ELFN1: variants seen among roughly 807,000 people sequenced by gnomAD.
The protein encoded by ELFN1 is extracellular leucine rich repeat and fibronectin type III domain containing 1, also known as protein ELFN1.
In ELFN1, 6 loss-of-function variants were observed where a neutral mutation model predicts 7.6. The observed-to-expected ratio is 0.79, with a 90% CI of 0.43 to 1.56. ELFN1 has a LOEUF of 1.56. Among genes scored for constraint, ELFN1 ranks in the 40% most tolerant of loss-of-function variants. The pLI is 0.01. For synonymous variants in ELFN1, 657 were observed against 588.1 expected (o/e 1.12, Z -1.70); for missense variants, 1,169 against 1,232.2 (o/e 0.95, Z 0.77).
chr7:1,709,261 T>G lies in ELFN1; in HGVS notation c.-294+9T>G, dbSNP rs961707535. ...CGGGCCCTGACACACAAGTAAGGCA[T>G]GCTCTTGTTCCTCATGCTCTCCGCA... On this transcript the variant is annotated intron_variant, in intron 3 of 3. Coordinates refer to ENST00000424383, the MANE Select transcript of ELFN1 (RefSeq NM_001128636.4). 1 of 152,288 alleles carries G rather than the reference T, an allele frequency of 6.6e-6. No homozygotes were observed. The highest frequency in any genetic ancestry group is 1.5e-5 in the Non-Finnish European group (1 of 68,092). The allele number at this position is 152,288 out of a possible 1,614,324, so 9.4% of individuals were successfully genotyped here. A position where few individuals can be genotyped will look rare whatever the true frequency, so the allele number is the denominator to read the frequency against.
chr7:1,736,652 A>T (rs912788230), intron 3 of ELFN1, among the ~76,000 whole-genome samples: 3 of 152,168 alleles, frequency 2.0e-5, no homozygotes, highest in Non-Finnish European at 4.4e-5. Context: ...GAGATGTCAT[A>T]AGGGCTCCAG....
At chr7:1,685,583 G>A (rs1412814099) in intron 1 of ELFN1, among the ~76,000 whole-genome samples, 1 of 151,788 alleles carries the variant, frequency 6.6e-6, no homozygotes, top group African/African-American at 2.4e-5. Flanking sequence ...CATCTTGCAA[G>A]CCCTCATGTA....
At chr7:1,697,947 G>A (rs116448328) in intron 2 of ELFN1, among the ~76,000 whole-genome samples, 421 of 152,306 alleles carry the variant, frequency 2.8e-3, no homozygotes, top group African/African-American at 9.6e-3. Context: ...GGGCAGTGGG[G>A]CTGGGGCCAG....
chr7:1,693,634 T>A, intron 2 of ELFN1: 2 of 471,230 alleles, frequency 4.2e-6, no homozygotes, highest in Non-Finnish European at 8.8e-6. Flanking sequence ...CGGTGCCCAG[T>A]CCGTGTGAAC....
chr7:1,696,246 GAGAA>G (rs1298743277), intron 2 of ELFN1, among the ~76,000 whole-genome samples: 1 of 151,570 alleles, frequency 6.6e-6, no homozygotes, highest in Non-Finnish European at 1.5e-5. Flanking sequence ...GGGAGAGAGA[GAGAA>G]AGAGGGTGAG....
Position 1,686,308 on chromosome 7 carries a change from C to T in ELFN1, c.-548-1750C>T, listed in dbSNP as rs1583317158. Among the ~76,000 whole-genome samples, 7 of 134,596 alleles carry T rather than the reference C, an allele frequency of 5.2e-5. No individual in the cohort carries two copies. The South Asian group carries it at 9.2e-4, about 18-fold the overall frequency. The allele number at this position is 134,596 out of a possible 152,430, so 88.3% of individuals were successfully genotyped here. ...AGATCATTGTCTCTGTTAGTTTGTC[C>T]TTGTTTTTTTTTTTTTTTTTTTGAG... On this transcript the variant is annotated intron_variant, in intron 1 of 3. Coordinates refer to ENST00000424383, the MANE Select transcript of ELFN1 (RefSeq NM_001128636.4).
At chr7:1,702,225 C>T (rs574105290) in intron 2 of ELFN1, among the ~76,000 whole-genome samples, 4 of 152,264 alleles carry the variant, frequency 2.6e-5, no homozygotes, top group South Asian at 4.1e-4. Context: ...GAGATTGAGA[C>T]CATCCTGGCT....
chr7:1,671,995 A>ACT (rs759300511), intron 1 of ELFN1, among the ~76,000 whole-genome samples: 3,324 of 152,284 alleles, frequency 0.022, 48 homozygotes, highest in Non-Finnish European at 0.033. Flanking sequence ...GGGGGTCTCC[A>ACT]AGTCAGAGAT....
Position 1,670,795 on chromosome 7 carries a change from G to A in ELFN1, c.-549+441G>A, listed in dbSNP as rs1026182792. 2.6e-5 allele frequency among the ~76,000 whole-genome samples: 4 copies of A among 152,140 alleles called. No homozygotes were observed. Among genetic ancestry groups the A allele is most frequent in the African/African-American group, 9.6e-5 (4 of 41,454 alleles). On this transcript the variant is annotated intron_variant, in intron 1 of 3. Coordinates refer to ENST00000424383, the MANE Select transcript of ELFN1 (RefSeq NM_001128636.4). The surrounding 1 kb of genome is among the most constrained non-coding windows in gnomAD (Gnocchi z 6.4). ...TGGCCGAGTCGCTGACCCCTCCCCAGGCTCGCATCGCCCTCCCTGCTGGGC... is the reference window on the plus strand; with the variant it reads ...TGGCCGAGTCGCTGACCCCTCCCCAAGCTCGCATCGCCCTCCCTGCTGGGC...
At chr7:1,716,607 G>A (rs1779840448) in intron 3 of ELFN1, among the ~76,000 whole-genome samples, 1 of 152,242 alleles carries the variant, frequency 6.6e-6, no homozygotes, top group Non-Finnish European at 1.5e-5. Context: ...ACACACAGGT[G>A]TAGGCATCCC....
chr7:1,733,602 C>T (rs1780370355), intron 3 of ELFN1, among the ~76,000 whole-genome samples: 1 of 152,156 alleles, frequency 6.6e-6, no homozygotes, highest in Admixed American at 6.5e-5. Context: ...CGGCCGCATC[C>T]CAGCCCCGTC....
At chr7:1,700,671 A>G (rs1583334677) in intron 2 of ELFN1, among the ~76,000 whole-genome samples, 3 of 152,290 alleles carry the variant, frequency 2.0e-5, no homozygotes, top group South Asian at 4.1e-4. Flanking sequence ...ACCCCAGAGA[A>G]CAGTCGCCGG....
chr7:1,673,085 G>GC lies in ELFN1; in HGVS notation c.-549+2740dup, dbSNP rs532796091. Among the ~76,000 whole-genome samples the GC allele has an allele frequency of 2.9e-3, 259 of 89,110 alleles. 3 individuals carry two copies. Among genetic ancestry groups the GC allele is most frequent in the Middle Eastern group, 0.014 (3 of 212 alleles). 58.5% of individuals were successfully genotyped at this position (89,110 alleles called of 152,430 possible). ...TGGATACATTTGTCATCTCTCCAGC[G>GC]CCCCCCCCCGCTCTTTCCTTTTTGT... On this transcript the variant is annotated intron_variant, in intron 1 of 3. Coordinates refer to ENST00000424383, the MANE Select transcript of ELFN1 (RefSeq NM_001128636.4). This position sits in a 1 kb window ranked among gnomAD's most constrained non-coding sequence, Gnocchi z 4.7.
chr7:1,692,651 T>A (rs888284554), intron 2 of ELFN1, among the ~76,000 whole-genome samples: 6 of 152,252 alleles, frequency 3.9e-5, no homozygotes, highest in African/African-American at 1.4e-4. Context: ...GCGGCCCACC[T>A]GCCGGCTGCA....
rs1394565177 is a variant in ELFN1 at position 1,673,678 on chromosome 7, C to T, written c.-549+3324C>T. Among the ~76,000 whole-genome samples, 2 of 152,218 alleles carry T rather than the reference C, an allele frequency of 1.3e-5. No individual in the cohort carries two copies. The highest frequency in any genetic ancestry group is 4.8e-5 in the African/African-American group (2 of 41,450). Reference sequence around the variant, plus strand: ...TGGGACAAAGCCCAGAGGAGCCTGGCTGCCTTGGAGCTGGCATCCCCAGAT... The same window carrying T: ...TGGGACAAAGCCCAGAGGAGCCTGGTTGCCTTGGAGCTGGCATCCCCAGAT... On this transcript the variant is annotated intron_variant, in intron 1 of 3. Transcript: ENST00000424383. The surrounding 1 kb of genome is among the most constrained non-coding windows in gnomAD (Gnocchi z 4.7).
chr7:1,730,878 A>T (rs930080333), intron 3 of ELFN1, among the ~76,000 whole-genome samples: 2 of 152,262 alleles, frequency 1.3e-5, no homozygotes, highest in East Asian at 3.8e-4. Context: ...ATTTGCTGAC[A>T]AAATGATTCA....
At chr7:1,744,014 C>T (rs1329209030) in intron 3 of ELFN1, among the ~76,000 whole-genome samples, 1 of 152,176 alleles carries the variant, frequency 6.6e-6, no homozygotes, top group Non-Finnish European at 1.5e-5. Context: ...GCCAAGCAGG[C>T]AGTGCCCCGT....
chr7:1,744,360 G>A lies in ELFN1; in HGVS notation c.-237G>A. On this transcript the variant is annotated 5_prime_UTR_variant, in exon 4 of 4. Transcript: ENST00000424383. ...GCCATCAGGACACCCAGGCCCATGGGGCAGGAGGCCTCGGTCACCACAGGA... is the reference window on the plus strand; with the variant it reads ...GCCATCAGGACACCCAGGCCCATGGAGCAGGAGGCCTCGGTCACCACAGGA... 2.0e-6 allele frequency: 1 copy of A among 506,678 alleles called. No individual in the cohort carries two copies. Among genetic ancestry groups the A allele is most frequent in the Non-Finnish European group, 3.4e-6 (1 of 291,946 alleles). The allele number at this position is 506,678 out of a possible 1,614,324, so 31.4% of individuals were successfully genotyped here.
intron 2 of ELFN1, chr7:1,693,133 G>C (rs1012508303): frequency 1.4e-5 from 5 of 348,094 alleles, no homozygotes; most frequent in Non-Finnish European, 2.9e-5. Flanking sequence ...CCCCCAGGAA[G>C]TGACTGCCCA....
Sources: gnomAD v4.1 joint callset for allele counts (sites outside exome capture counted in the v4.1 genomes callset) on GRCh38, gnomAD v4.1.1 for gene constraint, Gnocchi (gnomAD v3.1) non-coding constraint, MANE v1.5 for transcripts, NCBI Gene and HGNC (gene_info 2026-07-23, HGNC 2026-07-21) for gene names.